The following SAMD4A variants were observed in gnomAD, a reference collection of about 807,000 sequenced individuals.
SAMD4A encodes the protein protein Smaug homolog 1.
A neutral mutation model predicts 81.3 loss-of-function variants in SAMD4A; 33 were observed. The ratio of observed to expected loss-of-function variants is 0.41; its 90% CI spans 0.31 to 0.54. The LOEUF (loss-of-function observed/expected upper bound fraction) is 0.54, where lower values mean the gene tolerates loss of function less well. Ranked by LOEUF, SAMD4A falls within the 20% of genes least tolerant of loss-of-function variation. SAMD4A has a pLI of 0.37. For synonymous variants in SAMD4A, 389 were observed against 382.1 expected, an observed-to-expected ratio of 1.02 and a Z score of -0.21; for missense variants, 854 against 951.1, an observed-to-expected ratio of 0.90 and a Z score of 1.34.
chr14:54,601,292 T>C (rs987755525), intron 2 of SAMD4A, among the ~76,000 whole-genome samples: 1 of 152,184 alleles, frequency 6.6e-6, no homozygotes, highest in African/African-American at 2.4e-5. Context: ...TCCATGTGGA[T>C]TAGCTCTTTT....
At chr14:54,626,529 C>G (rs191735677) in intron 2 of SAMD4A, among the ~76,000 whole-genome samples, 1 of 152,150 alleles carries the variant, frequency 6.6e-6, no homozygotes, top group African/African-American at 2.4e-5. Context: ...CTTGTGGATA[C>G]GTTGCTGATT....
chr14:54,676,491 C>T (rs956408376), intron 2 of SAMD4A, among the ~76,000 whole-genome samples: 2 of 152,204 alleles, frequency 1.3e-5, no homozygotes, highest in Non-Finnish European at 2.9e-5. Flanking sequence ...ATTCTCCTGC[C>T]TCAGTCTCCT....
chr14:54,685,082 T>G (rs889802833), intron 2 of SAMD4A, among the ~76,000 whole-genome samples: 2 of 151,988 alleles, frequency 1.3e-5, no homozygotes, highest in African/African-American at 4.8e-5. Flanking sequence ...GAAGGGAGAG[T>G]AGATTTATCT....
At chr14:54,682,578 A>G (rs551493953) in intron 2 of SAMD4A, among the ~76,000 whole-genome samples, 2 of 152,310 alleles carry the variant, frequency 1.3e-5, no homozygotes, top group East Asian at 3.9e-4. Flanking sequence ...ACTGTATTTG[A>G]AGCATTTACT....
intron 3 of SAMD4A, among the ~76,000 whole-genome samples, chr14:54,718,379 G>T (rs566287983): frequency 6.6e-6 from 1 of 152,340 alleles, no homozygotes; most frequent in East Asian, 1.9e-4. Flanking sequence ...GAAAGGATAT[G>T]TTCCTCTCCT....
At chr14:54,717,911 A>G (rs934902775) in intron 3 of SAMD4A, among the ~76,000 whole-genome samples, 2 of 140,674 alleles carry the variant, frequency 1.4e-5, no homozygotes, top group Admixed American at 1.5e-4. Flanking sequence ...TGCTCAATCT[A>G]TGAGATTTGT....
intron 2 of SAMD4A, among the ~76,000 whole-genome samples, chr14:54,583,564 C>T (rs967204282): frequency 5.3e-5 from 8 of 152,110 alleles, no homozygotes; most frequent in South Asian, 4.1e-4. Flanking sequence ...TATCCTTCTC[C>T]CTTTGATTGA....
At chr14:54,576,001 C>CTTTTTTTTTTTTTTTTTTTTTTTTTTT (rs57819180) in intron 2 of SAMD4A, among the ~76,000 whole-genome samples, 2 of 80,026 alleles carry the variant, frequency 2.5e-5, no homozygotes, top group Non-Finnish European at 4.5e-5. Context: ...TTCTTTCTTT[C>CTTTTTTTTTTTTTTTTTTTTTTTTTTT]TTTTTTTTTT....
At position 54,622,066 on chromosome 14, in the gene SAMD4A, TTGA is replaced by T. The variant is rs557039150; in HGVS notation, c.196+53959_196+53961del. ...AAAAATGTCCTACCTACACACAGTC[TTGA>T]TGATTTTCACTCAAGAAATGAATTT... On this transcript the variant is annotated intron_variant, in intron 2 of 12. Coordinates refer to ENST00000554335, the MANE Select transcript of SAMD4A (RefSeq NM_015589.6). Among the ~76,000 whole-genome samples the T allele has an allele frequency of 1.1e-3, 167 of 152,350 alleles. 1 individual carries two copies. Among genetic ancestry groups the T allele is most frequent in the African/African-American group, 3.8e-3 (157 of 41,572 alleles).
intron 2 of SAMD4A, chr14:54,694,647 C>A (rs1037712142): frequency 1.0e-6 from 1 of 985,498 alleles, no homozygotes; most frequent in Non-Finnish European, 1.2e-6. Flanking sequence ...AGAACCGAGG[C>A]AGGTGGCTGG....
At chr14:54,664,884 T>G (rs894736935) in intron 2 of SAMD4A, among the ~76,000 whole-genome samples, 5 of 151,786 alleles carry the variant, frequency 3.3e-5, no homozygotes, top group Admixed American at 1.3e-4. Flanking sequence ...TTTTTTAAAG[T>G]GTGACTTAAC....
chr14:54,757,381 A>G (rs1055840045), intron 6 of SAMD4A, among the ~76,000 whole-genome samples: 2 of 95,810 alleles, frequency 2.1e-5, no homozygotes, highest in African/African-American at 9.2e-5. Flanking sequence ...TGGTTTCTTT[A>G]TTTGTGTGTG....
intron 2 of SAMD4A, among the ~76,000 whole-genome samples, chr14:54,682,960 A>G (rs1003240797): frequency 1.4e-4 from 21 of 152,088 alleles, no homozygotes; most frequent in East Asian, 7.7e-4. Context: ...GTCCTCTCCC[A>G]TTGCTGGCTG....
intron 2 of SAMD4A, among the ~76,000 whole-genome samples, chr14:54,674,497 TACTGGTGTAGAA>T (rs1158662938): frequency 6.6e-6 from 1 of 152,246 alleles, no homozygotes; most frequent in Non-Finnish European, 1.5e-5. Flanking sequence ...GTGTGGTTTC[TACTGGTGTAGAA>T]ACTGGTGTAG....
At chr14:54,772,153 C>T (rs4901543) in intron 9 of SAMD4A, among the ~76,000 whole-genome samples, 40,657 of 152,048 alleles carry the variant, frequency 0.27, 6,271 homozygotes, top group East Asian at 0.53. Context: ...CAACCCAACC[C>T]CTGCTTGAAT....
intron 2 of SAMD4A, among the ~76,000 whole-genome samples, chr14:54,658,980 A>G (rs2035582499): frequency 6.6e-6 from 1 of 152,160 alleles, no homozygotes; most frequent in African/African-American, 2.4e-5. Context: ...CCTCTCTGAG[A>G]TTCAGTTTGC....
rs1311416081 is a variant in SAMD4A, at chr14:54,724,003, T to TGGAAGGAAGGAAGGAAGGAAGGAA, written c.716-13018_716-13017insAGGAAGGAAGGAAGGAAGGAAGGA. ...GCTCAGCAAATATTGGATGGATGGA[T>TGGAAGGAAGGAAGGAAGGAAGGAA]GGATGGAAGGAAGGAAGGAAGGAAG... On this transcript the variant is annotated intron_variant, in intron 3 of 12. Transcript: ENST00000554335. Among the ~76,000 whole-genome samples, 374 of 56,304 alleles carry TGGAAGGAAGGAAGGAAGGAAGGAA rather than the reference T, an allele frequency of 6.6e-3. 4 individuals are homozygous for TGGAAGGAAGGAAGGAAGGAAGGAA. Among genetic ancestry groups the TGGAAGGAAGGAAGGAAGGAAGGAA allele is most frequent in the Non-Finnish European group, 7.3e-3 (166 of 22,772 alleles). The allele number at this position is 56,304 out of a possible 152,430, so 36.9% of individuals were successfully genotyped here. A position where few individuals can be genotyped will look rare whatever the true frequency, so the allele number is the denominator to read the frequency against.
At chr14:54,776,246 C>T (rs1018144631) in intron 10 of SAMD4A, among the ~76,000 whole-genome samples, 168 bp from the exon 11 acceptor site, 3 of 152,218 alleles carry the variant, frequency 2.0e-5, no homozygotes, top group African/African-American at 7.2e-5. Context: ...TGAATGGAAT[C>T]TAAACCCTCT....
At chr14:54,587,592 A>G (rs1165149445) in intron 2 of SAMD4A, among the ~76,000 whole-genome samples, 8 of 152,046 alleles carry the variant, frequency 5.3e-5, no homozygotes, top group Non-Finnish European at 1.5e-5. Context: ...GGTTTTAATC[A>G]TAAAGGGATG....
Sources: gnomAD v4.1 joint callset for allele counts (sites outside exome capture counted in the v4.1 genomes callset) on GRCh38, gnomAD v4.1.1 for gene constraint, MANE v1.5 for transcripts, NCBI Gene and HGNC (gene_info 2026-07-23, HGNC 2026-07-21) for gene names.